MROH2A: variants seen among roughly 807,000 people sequenced by gnomAD.
MROH2A encodes maestro heat-like repeat-containing protein family member 2A.
Under a neutral mutation model 200.4 loss-of-function variants are expected in MROH2A, and 174 were observed. That is an observed-to-expected ratio of 0.87 (90% CI 0.77 to 0.98). The LOEUF (loss-of-function observed/expected upper bound fraction) is 0.98. Among genes scored for constraint, MROH2A ranks in the 50% least tolerant of loss-of-function variants. MROH2A has a pLI of 0.00. For missense variants in MROH2A, 2,045 were observed against 2,139.6 expected (o/e 0.96, Z 0.87); for synonymous variants, 829 against 840.4 (o/e 0.99, Z 0.23).
Position 233,828,821 on chromosome 2 carries a change from G to C in MROH2A, c.4263+42G>C. 6.5e-7 allele frequency: 1 copy of C among 1,549,238 alleles called. No homozygotes were observed. The highest frequency in any genetic ancestry group is 8.7e-7 in the Non-Finnish European group (1 of 1,146,144). ...TGGGCCCAGGTCCCGGGAGCTGAGG[G>C]TGCAGGCCGGGTGCCCTGGTCAGCC... On this transcript the variant is annotated intron_variant, in intron 36 of 41. Coordinates refer to ENST00000389758, the MANE Select transcript of MROH2A (RefSeq NM_001394639.1). The surrounding 1 kb of genome is among the most constrained non-coding windows in gnomAD (Gnocchi z 4.6).
chr2:233,804,152 G>A lies in MROH2A; in HGVS notation c.1851G>A (p.Met617Ile), dbSNP rs1008623872. 4 of 1,550,468 alleles carry A rather than the reference G, an allele frequency of 2.6e-6. No individual in the cohort carries two copies. The African/African-American group carries it at 5.5e-5, about 21-fold the overall frequency. ...GCATCGCACCCTCCATGGCCGACAT[G>A]TGGGAGCTGGAGATTGCGCTACTGG... The part of the protein sequence containing the change: ...SQSIAPSMAD[M>I]WELEIALLVR... Residue 617 changes from methionine (M) to isoleucine (I), a missense_variant, in exon 17 of 42, where the codon ATG becomes ATA. Met to Ile is a conservative substitution (Grantham distance 10, BLOSUM62 1). Around this residue, in one of 3 missense-constraint regions of MROH2A, gnomAD observed 831 missense variants for 800.0 expected, o/e 1.04. Coordinates refer to ENST00000389758, the MANE Select transcript of MROH2A (RefSeq NM_001394639.1).
chr2:233,802,351 C>G (rs1350207465), intron 15 of MROH2A, 36 bp downstream of exon 15: 4 of 1,528,526 alleles, frequency 2.6e-6, no homozygotes, highest in Admixed American at 2.0e-5. Context: ...TTGGATTGGG[C>G]AGGTGGGCTG....
intron 3 of MROH2A, among the ~76,000 whole-genome samples, chr2:233,785,015 G>A (rs375646980): frequency 2.0e-5 from 3 of 152,064 alleles, no homozygotes; most frequent in South Asian, 2.1e-4. Context: ...GCGTGGTGGT[G>A]CACGCCTGTA....
intron 15 of MROH2A, 162 bp downstream of exon 15, chr2:233,802,477 C>A: frequency 1.3e-6 from 1 of 758,480 alleles, no homozygotes. Flanking sequence ...GATATTAATG[C>A]CTACCTGATC....
intron 35 of MROH2A, among the ~76,000 whole-genome samples, chr2:233,827,920 GGCCCTGAATAGGT>G (rs1704426325): frequency 6.6e-6 from 1 of 151,986 alleles, no homozygotes; most frequent in Admixed American, 6.6e-5. Context: ...TGCTCTACCT[GGCCCTGAATAGGT>G]GCTCAGTATA....
intron 35 of MROH2A, among the ~76,000 whole-genome samples, chr2:233,825,357 T>C (rs925950051): frequency 6.6e-6 from 1 of 152,216 alleles, no homozygotes; most frequent in African/African-American, 2.4e-5. Context: ...TCCAATACTA[T>C]GTTGAGTAGG....
chr2:233,803,506 A>G lies in MROH2A; in HGVS notation c.1749+18A>G, dbSNP rs1702601177. ...GTCTCCTGGTGAGTGGCTGACCTGCACCATGCCCTGGCCTGGCAAGGCCAT... is the reference window on the plus strand; with the variant it reads ...GTCTCCTGGTGAGTGGCTGACCTGCGCCATGCCCTGGCCTGGCAAGGCCAT... On this transcript the variant is annotated intron_variant, in intron 16 of 41. Coordinates refer to ENST00000389758, the MANE Select transcript of MROH2A (RefSeq NM_001394639.1). 11 of 1,550,188 alleles carry G rather than the reference A, an allele frequency of 7.1e-6. No individual in the cohort carries two copies. Among genetic ancestry groups the G allele is most frequent in the Non-Finnish European group, 9.6e-6 (11 of 1,146,936 alleles).
chr2:233,807,861 C>T lies in MROH2A; in HGVS notation c.2295+6C>T, dbSNP rs1702907553. 1 of 1,550,924 alleles carries T rather than the reference C, an allele frequency of 6.4e-7. No individual in the cohort carries two copies. The highest frequency in any genetic ancestry group is 8.7e-7 in the Non-Finnish European group (1 of 1,147,064). Reference sequence around the variant, plus strand: ...GGCAGATCAGTGCTTGGCGGGTAAGCCACCTTCCCTCCACAACTGGGTCTT... The same window carrying T: ...GGCAGATCAGTGCTTGGCGGGTAAGTCACCTTCCCTCCACAACTGGGTCTT... On this transcript the variant is annotated splice_donor_region_variant and intron_variant, in intron 21 of 41. Transcript: ENST00000389758. This position sits in a 1 kb window ranked among gnomAD's most constrained non-coding sequence, Gnocchi z 4.3.
intron 22 of MROH2A, among the ~76,000 whole-genome samples, chr2:233,810,468 C>G (rs879277753): frequency 6.6e-6 from 1 of 152,190 alleles, no homozygotes; most frequent in Non-Finnish European, 1.5e-5. Flanking sequence ...AATTACCACC[C>G]GCTGGGTCCC....
At chr2:233,809,996 A>G (rs191703296) in intron 22 of MROH2A, among the ~76,000 whole-genome samples, 1 of 152,202 alleles carries the variant, frequency 6.6e-6, no homozygotes, top group African/African-American at 2.4e-5. Context: ...AAGTGCAATC[A>G]TATGATAGTT....
intron 11 of MROH2A, 59 bp downstream of exon 11, chr2:233,796,372 C>T (rs1271533222): frequency 9.3e-7 from 1 of 1,081,002 alleles, no homozygotes; most frequent in Admixed American, 2.2e-5. Flanking sequence ...GGGTGGAGAA[C>T]AAGGGAGGCA....
intron 31 of MROH2A, among the ~76,000 whole-genome samples, chr2:233,821,594 C>A (rs1250093670): frequency 6.6e-6 from 1 of 152,226 alleles, no homozygotes; most frequent in Non-Finnish European, 1.5e-5. Flanking sequence ...GGGGGACATC[C>A]CTTCTCAGCA....
At chr2:233,824,487 T>C (rs1175995367) in intron 35 of MROH2A, among the ~76,000 whole-genome samples, 1 of 152,236 alleles carries the variant, frequency 6.6e-6, no homozygotes, top group Non-Finnish European at 1.5e-5. Context: ...AAGTGCTCCC[T>C]CGTTGTCTCA....
At chr2:233,792,159 GCTT>G (rs1293282323) in intron 5 of MROH2A, among the ~76,000 whole-genome samples, 1 of 152,050 alleles carries the variant, frequency 6.6e-6, no homozygotes, top group South Asian at 2.1e-4. Flanking sequence ...TCTGGGGGCT[GCTT>G]CTTTCTGCTT....
rs772300911 is a variant in MROH2A at position 233,795,567 on chromosome 2, TCAGTGGGC to T, written c.967-84_967-77del. On this transcript the variant is annotated intron_variant, in intron 8 of 41. Transcript: ENST00000389758. ...CCAGGGAATGCTGGTGCTCAGTGGG[TCAGTGGGC>T]CCCTGAGTAGCGAGGGTCTAGAGTT... 6.7e-5 allele frequency: 103 copies of T among 1,541,784 alleles called. 4 individuals carry two copies. In the Middle Eastern group the frequency reaches 6.0e-3, roughly 90 times the overall value.
chr2:233,790,742 G>A (rs1243916849), intron 5 of MROH2A, among the ~76,000 whole-genome samples: 9 of 150,058 alleles, frequency 6.0e-5, no homozygotes, highest in Admixed American at 1.3e-4. Flanking sequence ...AGAAGCATGC[G>A]CTGAGCTCCT....
intron 6 of MROH2A, 76 bp from the exon 7 acceptor site, chr2:233,793,594 CGGG>C: frequency 7.7e-7 from 1 of 1,293,102 alleles, no homozygotes; most frequent in Non-Finnish European, 9.9e-7. Flanking sequence ...CACTTCCACT[CGGG>C]AAGCTGGGCT....
At chr2:233,819,754 A>G in intron 30 of MROH2A, 148 bp from the exon 31 acceptor site, 1 of 899,780 alleles carries the variant, frequency 1.1e-6, no homozygotes, top group Non-Finnish European at 1.6e-6. Context: ...GGCAGAGACC[A>G]GAGGATGCAC....
At chr2:233,802,970 G>A (rs1007083078) in intron 15 of MROH2A, among the ~76,000 whole-genome samples, 5 of 152,220 alleles carry the variant, frequency 3.3e-5, no homozygotes, top group African/African-American at 7.2e-5. Context: ...GTCCTCTCCA[G>A]GTCCCCTGCA....
Sources: allele counts gnomAD v4.1 joint callset (sites outside exome capture counted in the v4.1 genomes callset), GRCh38; gene constraint gnomAD v4.1.1; regional missense constraint gnomAD v4.1.1; non-coding constraint Gnocchi (gnomAD v3.1); transcripts MANE v1.5; gene names NCBI Gene and HGNC (gene_info 2026-07-23, HGNC 2026-07-21).